Variants in PARD6G observed in about 807,000 individuals in gnomAD.
PARD6G encodes the protein partitioning defective 6 homolog gamma.
In PARD6G, 7 loss-of-function variants were observed where a neutral mutation model predicts 10.7. That is an observed-to-expected ratio of 0.66 (90% CI 0.37 to 1.23). The LOEUF is 1.23. PARD6G is among the 50% of genes most tolerant of loss of function. The pLI is 0.02. For synonymous variants in PARD6G, 287 were observed against 269.4 expected (o/e 1.07, Z -0.64); for missense variants, 548 against 571.8 (o/e 0.96, Z 0.42).
In PARD6G at chr18:80,160,439, T is replaced by A; in HGVS notation, c.463A>T (p.Thr155Ser). The change falls in exon 3 of 3, where the codon ACG (threonine) becomes TCG (serine). Residue 155 changes from threonine (T) to serine (S), a missense_variant. Coordinates refer to ENST00000353265, the MANE Select transcript of PARD6G (RefSeq NM_032510.4). ...SIIDVDLVPETHRRVRLHRHG... is the reference protein window; with the variant it reads ...SIIDVDLVPESHRRVRLHRHG... ...CGGTGCAGCCGCACTCGCCGGTGCGTCTCGGGGACCAGGTCCACATCGATG... is the reference window on the plus strand; with the variant it reads ...CGGTGCAGCCGCACTCGCCGGTGCGACTCGGGGACCAGGTCCACATCGATG... 1 of 1,584,364 alleles carries A rather than the reference T, an allele frequency of 6.3e-7. No individual in the cohort carries two copies. The highest frequency in any genetic ancestry group is 8.6e-7 in the Non-Finnish European group (1 of 1,165,250).
chr18:80,208,644 C>T (rs1967078071), intron 1 of PARD6G, among the ~76,000 whole-genome samples: 2 of 152,212 alleles, frequency 1.3e-5, no homozygotes, highest in South Asian at 4.2e-4. Flanking sequence ...TGGTATACAC[C>T]TGTAGTCCCA....
At chr18:80,204,326 GCCC>G (rs1412009900) in intron 1 of PARD6G, among the ~76,000 whole-genome samples, 1 of 152,074 alleles carries the variant, frequency 6.6e-6, no homozygotes, top group East Asian at 1.9e-4. Flanking sequence ...TCACCTGGAG[GCCC>G]CCCAGAGTTC....
At chr18:80,163,551 C>G (rs2052715210) in intron 2 of PARD6G, among the ~76,000 whole-genome samples, 1 of 152,224 alleles carries the variant, frequency 6.6e-6, no homozygotes. Flanking sequence ...CCGCATGGTG[C>G]ATTCCCTTCC....
rs762135138 is a variant in PARD6G, at chr18:80,180,293, G to C, written c.296-19687C>G. Reference sequence around the variant, plus strand: ...TGAGGCCTCTGCTTGGGAAGTTCCTGTCAGGAGAGGCAGGCAGGGCGTGGG... The same window carrying C: ...TGAGGCCTCTGCTTGGGAAGTTCCTCTCAGGAGAGGCAGGCAGGGCGTGGG... On this transcript the variant is annotated intron_variant, in intron 2 of 2. Coordinates refer to ENST00000353265, the MANE Select transcript of PARD6G (RefSeq NM_032510.4). The surrounding 1 kb of genome is among the most constrained non-coding windows in gnomAD (Gnocchi z 5.6). 6.6e-6 allele frequency among the ~76,000 whole-genome samples: 1 copy of C among 152,236 alleles called. No homozygotes were observed. The highest frequency in any genetic ancestry group is 2.4e-5 in the African/African-American group (1 of 41,466).
intron 2 of PARD6G, chr18:80,185,050 GAT>G (rs1214268511): frequency 6.6e-6 from 1 of 152,196 alleles, no homozygotes; most frequent in East Asian, 1.9e-4. Flanking sequence ...TTAAGAGAGA[GAT>G]TTGTGAGAGA....
chr18:80,224,708 G>T (rs537918146), intron 1 of PARD6G, among the ~76,000 whole-genome samples: 1 of 152,150 alleles, frequency 6.6e-6, no homozygotes, highest in East Asian at 1.9e-4. Flanking sequence ...TTAGCCGGGC[G>T]TGATGGCGGG....
At position 80,160,205 on chromosome 18, in the gene PARD6G, T is replaced by C. The variant is rs773350779; in HGVS notation, c.697A>G (p.Thr233Ala). 3 of 1,613,224 alleles carry C rather than the reference T, an allele frequency of 1.9e-6. No homozygotes were observed. In the South Asian group the frequency reaches 3.3e-5, roughly 18 times the overall value. Reference sequence around the variant, plus strand: ...TGGCTGTTGGCGATCATCATGTCCGTGACCTGGTCCAGCGTCTTCCCGGCC... The same window carrying C: ...TGGCTGTTGGCGATCATCATGTCCGCGACCTGGTCCAGCGTCTTCCCGGCC... ...EVAGKTLDQV[T>A]DMMIANSHNL... The change falls in exon 3 of 3, where the codon ACG becomes GCG. Residue 233 changes from threonine (T) to alanine (A), a missense_variant. This residue lies in a region of PARD6G where 313 missense variants were observed against 279.9 expected (regional missense o/e 1.12). Coordinates refer to ENST00000353265, the MANE Select transcript of PARD6G (RefSeq NM_032510.4).
intron 2 of PARD6G, among the ~76,000 whole-genome samples, chr18:80,178,932 CAGGCAGAAGA>C (rs1413029122): frequency 2.0e-5 from 3 of 152,194 alleles, no homozygotes; most frequent in Non-Finnish European, 2.9e-5. Flanking sequence ...GAGCAGGAGA[CAGGCAGAAGA>C]ACTCACTGGG....
At chr18:80,213,035 C>G (rs141784072) in intron 1 of PARD6G, among the ~76,000 whole-genome samples, 129 of 152,164 alleles carry the variant, frequency 8.5e-4, no homozygotes, top group African/African-American at 3.0e-3. Context: ...GAACTTAACT[C>G]TTGTTTATAT....
chr18:80,226,170 T>TTTTTTTTTTTTTTTTTTG (rs1568442076), intron 1 of PARD6G, among the ~76,000 whole-genome samples: 1 of 140,792 alleles, frequency 7.1e-6, no homozygotes. Flanking sequence ...TTTTTTTTTT[T>TTTTTTTTTTTTTTTTTTG]TTTTTTTTTT....
chr18:80,187,502 G>T (rs2052886367), intron 2 of PARD6G, among the ~76,000 whole-genome samples: 1 of 152,226 alleles, frequency 6.6e-6, no homozygotes, highest in East Asian at 1.9e-4. Context: ...CGGCTGGGCT[G>T]TTCCGGTTAG....
intron 2 of PARD6G, among the ~76,000 whole-genome samples, chr18:80,193,834 C>T (rs765996701): frequency 3.9e-5 from 6 of 152,118 alleles, no homozygotes; most frequent in East Asian, 3.9e-4. Context: ...GAGGAGTAAA[C>T]GGCTCCAACT....
intron 1 of PARD6G, among the ~76,000 whole-genome samples, chr18:80,225,065 T>TA (rs2145297206): frequency 6.6e-6 from 1 of 152,264 alleles, no homozygotes; most frequent in East Asian, 1.9e-4. Flanking sequence ...TACTAGTGAC[T>TA]AAAAAACTTT....
At chr18:80,207,967 T>C (rs1967070079) in intron 1 of PARD6G, among the ~76,000 whole-genome samples, 1 of 152,038 alleles carries the variant, frequency 6.6e-6, no homozygotes, top group Non-Finnish European at 1.5e-5. Flanking sequence ...CTCTTCAGAG[T>C]CAGAAAAGTG....
rs78918122 is a variant in PARD6G, at chr18:80,201,432, G to A, written c.295+1278C>T. ...TGCAGAGCCATGCAGAGACAGCGAG[G>A]GTCCTTGCCCCCAGCAACCCCGAAG... On this transcript the variant is annotated intron_variant, in intron 2 of 2. Transcript: ENST00000353265. The surrounding 1 kb of genome is among the most constrained non-coding windows in gnomAD (Gnocchi z 5.9). Among the ~76,000 whole-genome samples, 1 of 152,172 alleles carries A rather than the reference G, an allele frequency of 6.6e-6. No individual in the cohort carries two copies. Among genetic ancestry groups the A allele is most frequent in the Admixed American group, 6.5e-5 (1 of 15,284 alleles).
At chr18:80,206,730 A>G (rs1164082917) in intron 1 of PARD6G, among the ~76,000 whole-genome samples, 1 of 152,244 alleles carries the variant, frequency 6.6e-6, no homozygotes, top group Non-Finnish European at 1.5e-5. Context: ...TTGCAAAACA[A>G]TTAGTGCCAG....
At chr18:80,210,310 G>A (rs372561211) in intron 1 of PARD6G, among the ~76,000 whole-genome samples, 55 of 152,340 alleles carry the variant, frequency 3.6e-4, no homozygotes, top group African/African-American at 1.0e-3. Flanking sequence ...TTAGAGAACC[G>A]TGGAAATTAA....
chr18:80,202,545 G>C, intron 2 of PARD6G, 165 bp downstream of exon 2: 1 of 589,900 alleles, frequency 1.7e-6, no homozygotes. Context: ...ACACAGTTTA[G>C]TATTTTGTCT....
chr18:80,237,299 T>C (rs1286035935), intron 1 of PARD6G, among the ~76,000 whole-genome samples: 2 of 152,176 alleles, frequency 1.3e-5, no homozygotes, highest in African/African-American at 2.4e-5. Context: ...GCTAGCCATA[T>C]GTAGAAAGCT....
Sources: gnomAD v4.1 joint callset for allele counts (sites outside exome capture counted in the v4.1 genomes callset) on GRCh38, gnomAD v4.1.1 for gene constraint, gnomAD v4.1.1 regional missense constraint, Gnocchi (gnomAD v3.1) non-coding constraint, MANE v1.5 for transcripts, NCBI Gene and HGNC (gene_info 2026-07-23, HGNC 2026-07-21) for gene names.